Variants in MMP26 observed in about 807,000 individuals in gnomAD.
MMP26 encodes the protein matrix metallopeptidase 26, also known as matrix metalloproteinase-26.
Under a neutral mutation model 31.0 loss-of-function variants are expected in MMP26, and 33 were observed. That is an observed-to-expected ratio of 1.06 (90% CI 0.81 to 1.42). MMP26 has a LOEUF of 1.42. MMP26 is among the 40% of genes most tolerant of loss of function. MMP26 has a pLI of 0.00. For synonymous variants in MMP26, 122 were observed against 114.9 expected (o/e 1.06, Z -0.40); for missense variants, 347 against 316.1 (o/e 1.10, Z -0.74).
chr11:4,724,275 A>C, intron 1 of MMP26: 1 of 362,666 alleles, frequency 2.8e-6, no homozygotes, highest in South Asian at 5.5e-5. Flanking sequence ...CAGCATTTAA[A>C]ACCCCAGGAA....
chr11:4,879,434 A>C (rs1222608732), intron 2 of MMP26, among the ~76,000 whole-genome samples: 1 of 152,164 alleles, frequency 6.6e-6, no homozygotes. Flanking sequence ...GAGTGGAAAC[A>C]GTTGACATTA....
intron 2 of MMP26, chr11:4,769,829 G>A: frequency 1.2e-6 from 2 of 1,612,992 alleles, no homozygotes; most frequent in Non-Finnish European, 1.7e-6. Flanking sequence ...GAAAGGAATG[G>A]AGATCCAGAC....
chr11:4,879,531 T>C (rs1436413193), intron 2 of MMP26, among the ~76,000 whole-genome samples: 2 of 152,140 alleles, frequency 1.3e-5, no homozygotes, highest in Non-Finnish European at 2.9e-5. Flanking sequence ...GAAATAGGCT[T>C]GAGTACCATT....
At position 4,807,623 on chromosome 11, in the gene MMP26, TG is replaced by T. The variant is rs1178388789; in HGVS notation, c.-145+40288del. ...CACACACTGGGGGCCTGTCTGGGGGTGGGGGGTTGGGGGAGGGATAGCATTA... is the reference window on the plus strand; with the variant it reads ...CACACACTGGGGGCCTGTCTGGGGGTGGGGGTTGGGGGAGGGATAGCATTA... On this transcript the variant is annotated intron_variant, in intron 2 of 7. Transcript: ENST00000380390. Among the ~76,000 whole-genome samples, 104 of 19,728 alleles carry T rather than the reference TG, an allele frequency of 5.3e-3. 1 individual carries two copies. Among genetic ancestry groups the T allele is most frequent in the Admixed American group, 6.8e-3 (10 of 1,476 alleles). 12.9% of individuals were successfully genotyped at this position (19,728 alleles called of 152,430 possible).
chr11:4,800,004 C>G (rs6578529), intron 2 of MMP26, among the ~76,000 whole-genome samples: 1 of 151,990 alleles, frequency 6.6e-6, no homozygotes, highest in Non-Finnish European at 1.5e-5. Context: ...CTCTCATGGA[C>G]TGGAGTTGAG....
intron 2 of MMP26, among the ~76,000 whole-genome samples, chr11:4,887,677 G>A (rs10836896): frequency 0.39 from 58,894 of 151,878 alleles, 13,701 homozygotes; most frequent in Non-Finnish European, 0.52. Context: ...AGACATTTTT[G>A]TTGTTGTTTT....
intron 2 of MMP26, among the ~76,000 whole-genome samples, chr11:4,987,016 G>A (rs1244370088): frequency 7.3e-6 from 1 of 136,972 alleles, no homozygotes; most frequent in East Asian, 2.3e-4. Context: ...TTGTTGCCCA[G>A]GCTGGAGTGC....
intron 2 of MMP26, chr11:4,947,306 A>G (rs1286819253): frequency 5.2e-6 from 2 of 385,016 alleles, no homozygotes; most frequent in South Asian, 4.8e-5. Flanking sequence ...CGTATAATAC[A>G]TTGGAAAAAT....
chr11:4,840,337 G>A (rs546501049), intron 2 of MMP26, among the ~76,000 whole-genome samples: 3 of 152,334 alleles, frequency 2.0e-5, no homozygotes, highest in Admixed American at 2.0e-4. Flanking sequence ...AACAAAGACA[G>A]CAGCCAGGAA....
chr11:4,894,618 A>G (rs1239522673), intron 2 of MMP26, among the ~76,000 whole-genome samples: 2 of 152,154 alleles, frequency 1.3e-5, no homozygotes, highest in Admixed American at 6.6e-5. Flanking sequence ...AGTAAGAGGA[A>G]AAAATGTCCA....
intron 2 of MMP26, among the ~76,000 whole-genome samples, chr11:4,963,555 A>G (rs971126283): frequency 6.6e-6 from 1 of 152,210 alleles, no homozygotes; most frequent in Non-Finnish European, 1.5e-5. Flanking sequence ...GATGGAACAG[A>G]ACAGAGGCCT....
intron 2 of MMP26, among the ~76,000 whole-genome samples, chr11:4,971,705 A>C (rs1453367449): frequency 1.3e-5 from 2 of 152,162 alleles, no homozygotes; most frequent in African/African-American, 4.8e-5. Flanking sequence ...TTATAGCAAA[A>C]TGGGTTTATT....
chr11:4,930,550 C>T (rs1156857647), intron 2 of MMP26, among the ~76,000 whole-genome samples: 1 of 152,112 alleles, frequency 6.6e-6, no homozygotes, highest in East Asian at 1.9e-4. Flanking sequence ...CTACCCAATC[C>T]TCATTCTGCC....
chr11:4,724,175 T>G, intron 1 of MMP26: 1 of 547,566 alleles, frequency 1.8e-6, no homozygotes, highest in Non-Finnish European at 3.3e-6. Flanking sequence ...ATGGACATGG[T>G]AGAGGCAGGA....
At chr11:4,990,448 A>T in intron 4 of MMP26, 150 bp from the exon 5 acceptor site, 1 of 614,954 alleles carries the variant, frequency 1.6e-6, no homozygotes, top group Non-Finnish European at 2.5e-6. Context: ...TTTCTGATTT[A>T]ATTAGTCTGA....
intron 2 of MMP26, chr11:4,848,283 C>G: frequency 6.2e-7 from 1 of 1,613,604 alleles, no homozygotes; most frequent in Non-Finnish European, 8.5e-7. Flanking sequence ...GTTGAGTATT[C>G]TCTTTCTAAT....
chr11:4,795,843 GGAGAGAGA>G (rs142600384), intron 2 of MMP26, among the ~76,000 whole-genome samples: 15 of 142,256 alleles, frequency 1.1e-4, no homozygotes, highest in South Asian at 2.3e-4. Flanking sequence ...AGAGAGAGAG[GGAGAGAGA>G]GAGAGAGAGA....
chr11:4,968,726 T>A (rs1258383346), intron 2 of MMP26, among the ~76,000 whole-genome samples: 1 of 151,948 alleles, frequency 6.6e-6, no homozygotes, highest in Non-Finnish European at 1.5e-5. Flanking sequence ...TTGTCTTGCA[T>A]CTGTATAATT....
chr11:4,902,642 G>A (rs908586470), intron 2 of MMP26, among the ~76,000 whole-genome samples: 3 of 152,052 alleles, frequency 2.0e-5, no homozygotes, highest in Non-Finnish European at 2.9e-5. Context: ...CTTCCAATTA[G>A]CAACTTATAA....
Sources: gnomAD v4.1 joint callset for allele counts (sites outside exome capture counted in the v4.1 genomes callset) on GRCh38, gnomAD v4.1.1 for gene constraint, MANE v1.5 for transcripts, NCBI Gene and HGNC (gene_info 2026-07-23, HGNC 2026-07-21) for gene names.